Variants in AVEN observed in about 807,000 individuals in gnomAD.
AVEN encodes the protein apoptosis and caspase activation inhibitor.
AVEN carries 41 observed loss-of-function variants against 38.1 expected under a neutral mutation model. The ratio of observed to expected loss-of-function variants is 1.08; its 90% CI spans 0.84 to 1.40. The LOEUF (loss-of-function observed/expected upper bound fraction) is 1.40. Among genes scored for constraint, AVEN ranks in the 40% most tolerant of loss-of-function variants. The pLI is 0.00. For synonymous variants in AVEN, 206 were observed against 171.8 expected, an observed-to-expected ratio of 1.20 and a Z score of -1.56; for missense variants, 605 against 438.8, an observed-to-expected ratio of 1.38 and a Z score of -3.38.
chr15:34,068,412 G>A (rs1220763232), intron 2 of AVEN, among the ~76,000 whole-genome samples: 1 of 151,956 alleles, frequency 6.6e-6, no homozygotes, highest in Non-Finnish European at 1.5e-5. Flanking sequence ...TCACCATGGT[G>A]CTCAAGCTAG....
At chr15:34,025,235 G>A (rs1345229806) in intron 1 of AVEN, among the ~76,000 whole-genome samples, 2 of 152,104 alleles carry the variant, frequency 1.3e-5, no homozygotes, top group African/African-American at 2.4e-5. Flanking sequence ...ATGAAGTGTG[G>A]GAGGGAAATG....
chr15:34,042,358 T>G (rs906740307), upstream of AVEN, among the ~76,000 whole-genome samples: 14 of 151,936 alleles, frequency 9.2e-5, no homozygotes, highest in Non-Finnish European at 1.9e-4. Flanking sequence ...GAAACGAAAC[T>G]GTACTTTTTG....
chr15:34,044,317 A>C (rs746613269), intron 5 of AVEN, among the ~76,000 whole-genome samples: 1 of 152,138 alleles, frequency 6.6e-6, no homozygotes, highest in Non-Finnish European at 1.5e-5. Context: ...AACTAAATCC[A>C]ATGGTCAGGT....
chr15:33,879,971 G>A (rs186223879), intron 2 of AVEN, among the ~76,000 whole-genome samples: 2 of 152,256 alleles, frequency 1.3e-5, no homozygotes, highest in East Asian at 1.9e-4. Context: ...GCAGAAAAGC[G>A]AAGGTGGGTG....
At chr15:34,064,448 G>T (rs1900458084) in intron 4 of AVEN, 2 of 1,164,844 alleles carry the variant, frequency 1.7e-6, no homozygotes, top group Non-Finnish European at 2.4e-6. Flanking sequence ...TTTTGTAAAG[G>T]CTCAAGTTTG....
chr15:33,899,617 C>A (rs535732658), intron 2 of AVEN, among the ~76,000 whole-genome samples: 2 of 144,084 alleles, frequency 1.4e-5, no homozygotes, highest in South Asian at 4.6e-4. Context: ...TACAGGCGCC[C>A]GTCACCAAGC....
chr15:34,039,207 A>G (rs539352964), upstream of AVEN: 38 of 565,442 alleles, frequency 6.7e-5, no homozygotes, highest in South Asian at 2.2e-3. Flanking sequence ...GCCGCAGCGG[A>G]GCGGGGCGGG....
chr15:33,858,419 C>G (rs563011864), downstream of AVEN, among the ~76,000 whole-genome samples: 47 of 152,092 alleles, frequency 3.1e-4, no homozygotes, highest in Middle Eastern at 3.4e-3. Context: ...GTTGGTCAGG[C>G]TGGTCTCAAA....
chr15:33,912,142 A>T lies in AVEN; in HGVS notation c.446-36147T>A, dbSNP rs137955625. 6.6e-5 allele frequency among the ~76,000 whole-genome samples: 10 copies of T among 152,340 alleles called. No homozygotes were observed. The East Asian group carries it at 1.9e-3, about 29-fold the overall frequency. ...TCTGTGACCTTAGTAAAGTCAATTA[A>T]TCTCAACTTTCTCATCTGTAAAATA... On this transcript the variant is annotated intron_variant, in intron 2 of 5. Transcript: ENST00000306730.
intron 2 of AVEN, among the ~76,000 whole-genome samples, chr15:33,946,636 T>C (rs966149063): frequency 6.6e-6 from 1 of 151,886 alleles, no homozygotes; most frequent in Non-Finnish European, 1.5e-5. Flanking sequence ...GTAGGAAGCG[T>C]GGGGCAGTTT....
chr15:34,008,097 T>C (rs1051289905), intron 1 of AVEN, among the ~76,000 whole-genome samples: 1 of 151,854 alleles, frequency 6.6e-6, no homozygotes, highest in African/African-American at 2.4e-5. Flanking sequence ...GAAGAAAAAA[T>C]CACCTATCAC....
In AVEN at chr15:33,874,512, T is replaced by A. The variant is rs898216091; in HGVS notation, c.516+1413A>T. Among the ~76,000 whole-genome samples, 7 of 152,192 alleles carry A rather than the reference T, an allele frequency of 4.6e-5. No individual in the cohort carries two copies. In the East Asian group the frequency reaches 1.3e-3, roughly 29 times the overall value. On this transcript the variant is annotated intron_variant, in intron 3 of 5. Transcript: ENST00000306730. ...ACCCGTTCAAATGATCTTTTCCCCA[T>A]GGTACCAATTCTAATCACTTCCAGT...
chr15:33,950,729 G>C (rs1371006640), intron 2 of AVEN, among the ~76,000 whole-genome samples: 1 of 152,182 alleles, frequency 6.6e-6, no homozygotes, highest in African/African-American at 2.4e-5. Context: ...CTTCTGGCTG[G>C]GTTCAGTGGC....
At chr15:34,041,288 A>T (rs1243000127), upstream of AVEN, among the ~76,000 whole-genome samples, 2 of 152,198 alleles carry the variant, frequency 1.3e-5, no homozygotes, top group East Asian at 3.9e-4. Flanking sequence ...CCACTAGCAC[A>T]GATAGATTGG....
At chr15:33,892,170 G>T (rs188012517) in intron 2 of AVEN, among the ~76,000 whole-genome samples, 1,850 of 152,254 alleles carry the variant, frequency 0.012, 30 homozygotes, top group African/African-American at 0.043. Context: ...CTCCGATTCT[G>T]TAGGTTGCCT....
chr15:33,910,637 C>G (rs941586306), intron 2 of AVEN, among the ~76,000 whole-genome samples: 1 of 152,218 alleles, frequency 6.6e-6, no homozygotes, highest in Non-Finnish European at 1.5e-5. Flanking sequence ...AAATGCCCAA[C>G]TCACCCAATG....
chr15:33,854,927 G>C, downstream of AVEN: 1 of 1,603,308 alleles, frequency 6.2e-7, no homozygotes, highest in Non-Finnish European at 8.5e-7. Flanking sequence ...GGTTTCTACT[G>C]ATGCAGAACA....
intron 1 of AVEN, among the ~76,000 whole-genome samples, chr15:34,074,064 T>C (rs1401599851): frequency 1.4e-5 from 2 of 139,652 alleles, no homozygotes; most frequent in East Asian, 4.4e-4. Context: ...GTGTCACAAT[T>C]TCGGCTCACT....
exon 4 of AVEN, chr15:34,066,101 G>C (rs1467356819): frequency 2.0e-5 from 3 of 152,264 alleles, no homozygotes; most frequent in South Asian, 2.1e-4. Context: ...ACTTCACGTT[G>C]ACATGAAACA....
Sources: allele counts gnomAD v4.1 joint callset (sites outside exome capture counted in the v4.1 genomes callset), GRCh38; gene constraint gnomAD v4.1.1; transcripts MANE v1.5; gene names NCBI Gene and HGNC (gene_info 2026-07-23, HGNC 2026-07-21).